TUSC3: variants seen among roughly 807,000 people sequenced by gnomAD.
TUSC3 encodes the protein tumor suppressor candidate 3.
In TUSC3, 45 loss-of-function variants were observed where a neutral mutation model predicts 44.8. The ratio of observed to expected loss-of-function variants is 1.00; its 90% CI spans 0.79 to 1.29. The LOEUF is 1.29. TUSC3 is among the 50% of genes most tolerant of loss of function. The pLI is 0.00. For missense variants in TUSC3, 519 were observed against 437.9 expected (o/e 1.19, Z -1.65); for synonymous variants, 212 against 152.9 (o/e 1.39, Z -2.85).
At chr8:15,567,471 G>A (rs1374862861) in intron 1 of TUSC3, among the ~76,000 whole-genome samples, 1 of 152,108 alleles carries the variant, frequency 6.6e-6, no homozygotes, top group East Asian at 1.9e-4. Context: ...TAAAATAGTA[G>A]CAAACATTTT....
At chr8:15,724,961 A>G (rs995724052) in intron 6 of TUSC3, among the ~76,000 whole-genome samples, 1 of 152,190 alleles carries the variant, frequency 6.6e-6, no homozygotes, top group African/African-American at 2.4e-5. Context: ...AAGGGACCAA[A>G]AAGAGTTTTT....
intron 2 of TUSC3, among the ~76,000 whole-genome samples, chr8:15,524,870 A>T (rs1042659163): frequency 3.9e-5 from 6 of 152,200 alleles, no homozygotes; most frequent in African/African-American, 1.4e-4. Context: ...CATTGGCAAA[A>T]ATGTAAAACA....
chr8:15,686,905 A>G (rs1315179249), intron 6 of TUSC3, among the ~76,000 whole-genome samples: 1 of 152,020 alleles, frequency 6.6e-6, no homozygotes, highest in South Asian at 2.1e-4. Context: ...CGTCTCTACT[A>G]AAAATACAAA....
chr8:15,456,489 G>C (rs1447010601), intron 1 of TUSC3, among the ~76,000 whole-genome samples: 1 of 152,124 alleles, frequency 6.6e-6, no homozygotes, highest in African/African-American at 2.4e-5. Context: ...AGAGAGGAGG[G>C]CTTCCACGAT....
chr8:15,544,379 C>T (rs2129133968), intron 1 of TUSC3, among the ~76,000 whole-genome samples: 1 of 151,734 alleles, frequency 6.6e-6, no homozygotes, highest in Non-Finnish European at 1.5e-5. Context: ...TTGACTTTGC[C>T]ATCATCAAAA....
At chr8:15,507,644 A>G (rs772793913) in intron 2 of TUSC3, among the ~76,000 whole-genome samples, 7 of 152,168 alleles carry the variant, frequency 4.6e-5, no homozygotes, top group Non-Finnish European at 1.0e-4. Context: ...AACCTCCCAT[A>G]TACAAAATAT....
At chr8:15,648,683 G>T (rs369911215) in intron 2 of TUSC3, among the ~76,000 whole-genome samples, 1 of 123,856 alleles carries the variant, frequency 8.1e-6, no homozygotes, top group African/African-American at 3.1e-5. Context: ...CCGAGATCGC[G>T]CCGTTGCACT....
chr8:15,726,909 C>T lies in TUSC3; in HGVS notation c.799-3757C>T, dbSNP rs974747848. Among the ~76,000 whole-genome samples, 10 of 152,232 alleles carry T rather than the reference C, an allele frequency of 6.6e-5. No homozygotes were observed. In the South Asian group the frequency reaches 1.7e-3, roughly 25 times the overall value. ...TATTTGTTCCTTTGGAAGAATTGAT[C>T]GGTATCCATTATCAAAGCCTGCACA... is the stretch of plus-strand genomic sequence containing the variant. On this transcript the variant is annotated intron_variant, in intron 6 of 10. Transcript: ENST00000503731.
At chr8:15,705,647 T>A (rs952320227) in intron 6 of TUSC3, among the ~76,000 whole-genome samples, 9 of 152,058 alleles carry the variant, frequency 5.9e-5, no homozygotes, top group African/African-American at 2.2e-4. Flanking sequence ...AGCATGGCCC[T>A]ATGTGATAGA....
At chr8:15,685,815 T>G (rs968525004) in intron 6 of TUSC3, among the ~76,000 whole-genome samples, 1 of 152,036 alleles carries the variant, frequency 6.6e-6, no homozygotes, top group African/African-American at 2.4e-5. Context: ...ACAAGCTTAG[T>G]AAAAGACAGG....
the TUSC3 span, among the ~76,000 whole-genome samples, chr8:15,804,393 A>G: frequency 4.6e-5 from 7 of 152,174 alleles, no homozygotes; most frequent in Non-Finnish European, 7.4e-5. Context: ...TGAGTCATAA[A>G]TTATTTCTTA....
intron 8 of TUSC3, among the ~76,000 whole-genome samples, chr8:15,748,118 A>T (rs1390728141): frequency 6.6e-6 from 1 of 152,116 alleles, no homozygotes; most frequent in African/African-American, 2.4e-5. Context: ...GACTTAGATC[A>T]GTCAATTTTG....
chr8:15,604,633 G>C (rs182109830), intron 1 of TUSC3, among the ~76,000 whole-genome samples: 1 of 151,644 alleles, frequency 6.6e-6, no homozygotes, highest in South Asian at 2.1e-4. Context: ...AATAATTACC[G>C]AATTAATTGT....
chr8:15,614,499 A>C (rs1804904100), intron 1 of TUSC3, among the ~76,000 whole-genome samples: 1 of 152,146 alleles, frequency 6.6e-6, no homozygotes, highest in African/African-American at 2.4e-5. Context: ...TCTTGTCTTT[A>C]TAAATTTGCC....
intron 6 of TUSC3, among the ~76,000 whole-genome samples, chr8:15,683,726 A>G (rs1203824266): frequency 6.6e-6 from 1 of 152,080 alleles, no homozygotes; most frequent in Non-Finnish European, 1.5e-5. Context: ...CAATTCTTGT[A>G]CTTCCTGCAC....
chr8:15,784,022 T>C, the TUSC3 span, among the ~76,000 whole-genome samples: 1 of 152,132 alleles, frequency 6.6e-6, no homozygotes, highest in African/African-American at 2.4e-5. Context: ...AATAACACTA[T>C]TTTAAAAATG....
intron 6 of TUSC3, among the ~76,000 whole-genome samples, chr8:15,678,976 T>C (rs1808302146): frequency 6.6e-6 from 1 of 152,222 alleles, no homozygotes; most frequent in Admixed American, 6.5e-5. Flanking sequence ...TTGGTGTATA[T>C]GTACCGTATT....
intron 1 of TUSC3, among the ~76,000 whole-genome samples, chr8:15,572,266 C>T (rs575357331): frequency 3.3e-5 from 5 of 152,286 alleles, no homozygotes; most frequent in Admixed American, 2.6e-4. Flanking sequence ...CTTGCTGCTT[C>T]ATCTTGGACT....
chr8:15,744,281 GAAGTA>G (rs973288324), intron 8 of TUSC3, among the ~76,000 whole-genome samples: 75 of 152,196 alleles, frequency 4.9e-4, no homozygotes, highest in African/African-American at 1.8e-3. Context: ...AGGTTTTTGA[GAAGTA>G]AAGAGTTTTC....
Sources: gnomAD v4.1 joint callset for allele counts (sites outside exome capture counted in the v4.1 genomes callset) on GRCh38, gnomAD v4.1.1 for gene constraint, MANE v1.5 for transcripts, NCBI Gene and HGNC (gene_info 2026-07-23, HGNC 2026-07-21) for gene names.